ROBO1: variants seen among roughly 807,000 people sequenced by gnomAD.
ROBO1 encodes roundabout homolog 1.
In ROBO1, 149 loss-of-function variants were observed where a neutral mutation model predicts 195.9. That is an observed-to-expected ratio of 0.76 (90% CI 0.67 to 0.87). The LOEUF (loss-of-function observed/expected upper bound fraction) is 0.87, where lower values mean the gene tolerates loss of function less well. ROBO1 is among the 40% of genes least tolerant of loss of function. The pLI, the probability that ROBO1 is intolerant of heterozygous loss-of-function variation, is 0.00. For missense variants in ROBO1, 1,933 were observed against 2,068.3 expected (o/e 0.93, Z 1.27); for synonymous variants, 816 against 733.2 (o/e 1.11, Z -1.82).
intron 2 of ROBO1, among the ~76,000 whole-genome samples, chr3:79,148,896 T>C (rs2080708896): frequency 1.3e-5 from 2 of 151,916 alleles, no homozygotes; most frequent in South Asian, 2.1e-4. Context: ...AATTTTAGAA[T>C]GCAGGTGCTC....
chr3:79,007,547 G>C (rs534947732), intron 3 of ROBO1, among the ~76,000 whole-genome samples: 1 of 152,214 alleles, frequency 6.6e-6, no homozygotes, highest in African/African-American at 2.4e-5. Context: ...CCAGAAAACA[G>C]ATGTTTTAAT....
intron 3 of ROBO1, among the ~76,000 whole-genome samples, chr3:79,061,372 A>ACAT (rs1248518336): frequency 1.3e-5 from 2 of 152,212 alleles, no homozygotes; most frequent in Non-Finnish European, 2.9e-5. Flanking sequence ...AAATGGAAGA[A>ACAT]CATTCCATGC....
chr3:79,748,568 G>A (rs1703974341), intron 1 of ROBO1, among the ~76,000 whole-genome samples: 1 of 152,096 alleles, frequency 6.6e-6, no homozygotes, highest in African/African-American at 2.4e-5. Context: ...TTTCTGGTTT[G>A]ATATGGTTTT....
intron 2 of ROBO1, among the ~76,000 whole-genome samples, chr3:79,214,999 G>A (rs1279284102): frequency 1.3e-5 from 2 of 151,696 alleles, no homozygotes; most frequent in African/African-American, 2.4e-5. Flanking sequence ...GTTAGAAGAC[G>A]GTGATAACAT....
intron 3 of ROBO1, among the ~76,000 whole-genome samples, chr3:78,967,546 C>G (rs1213939774): frequency 6.6e-6 from 1 of 152,168 alleles, no homozygotes; most frequent in African/African-American, 2.4e-5. Flanking sequence ...CGAATTTAGA[C>G]TGAACTTGGG....
intron 1 of ROBO1, among the ~76,000 whole-genome samples, chr3:79,688,492 T>G (rs911261256): frequency 1.3e-5 from 2 of 152,168 alleles, no homozygotes; most frequent in African/African-American, 2.4e-5. Context: ...GACTATTTTT[T>G]GCCAATATTC....
At chr3:79,468,428 C>T (rs988207619) in intron 2 of ROBO1, among the ~76,000 whole-genome samples, 9 of 152,080 alleles carry the variant, frequency 5.9e-5, no homozygotes, top group Non-Finnish European at 1.0e-4. Flanking sequence ...TTTGAACAAT[C>T]GGGTCAGAGG....
At chr3:79,120,396 G>T (rs554697271) in intron 3 of ROBO1, among the ~76,000 whole-genome samples, 1 of 152,204 alleles carries the variant, frequency 6.6e-6, no homozygotes, top group South Asian at 2.1e-4. Flanking sequence ...GTCCTATGTT[G>T]AAGGAAAACA....
chr3:79,550,197 A>AAAGAAAGAAAGAAAGG (rs142251104), intron 2 of ROBO1, among the ~76,000 whole-genome samples: 4 of 19,298 alleles, frequency 2.1e-4, no homozygotes, highest in African/African-American at 5.7e-4. Flanking sequence ...GAAAGAAAGG[A>AAAGAAAGAAAGAAAGG]AAAGAAAAGA....
chr3:79,263,664 C>G (rs1022193442), intron 2 of ROBO1, among the ~76,000 whole-genome samples: 15 of 151,660 alleles, frequency 9.9e-5, no homozygotes, highest in Admixed American at 9.2e-4. Flanking sequence ...AACAAAATAC[C>G]AAAATAAACT....
At chr3:78,624,312 CAT>C (rs1008761209) in intron 26 of ROBO1, among the ~76,000 whole-genome samples, 2 of 151,944 alleles carry the variant, frequency 1.3e-5, no homozygotes, top group African/African-American at 4.8e-5. Context: ...CTATAGTAAA[CAT>C]ATAGAATATA....
At chr3:78,984,131 A>C (rs774339892) in intron 3 of ROBO1, among the ~76,000 whole-genome samples, 27 of 152,194 alleles carry the variant, frequency 1.8e-4, no homozygotes, top group Admixed American at 5.9e-4. Flanking sequence ...TGCTATATTA[A>C]TATTTTACTT....
intron 2 of ROBO1, among the ~76,000 whole-genome samples, chr3:79,325,375 A>G (rs997039364): frequency 2.1e-4 from 32 of 152,366 alleles, no homozygotes; most frequent in African/African-American, 7.5e-4. Flanking sequence ...AAGTGTCAGT[A>G]CACTCTGAGG....
intron 1 of ROBO1, among the ~76,000 whole-genome samples, chr3:79,590,482 G>A (rs558264178): frequency 6.6e-6 from 1 of 151,708 alleles, no homozygotes; most frequent in South Asian, 2.1e-4. Context: ...TTACCAAGTG[G>A]TCTATTCTGA....
intron 22 of ROBO1, among the ~76,000 whole-genome samples, chr3:78,636,567 C>G (rs1705514904): frequency 6.6e-6 from 1 of 151,858 alleles, no homozygotes; most frequent in Non-Finnish European, 1.5e-5. Context: ...ATTCATAGAT[C>G]AAAGAACTTG....
At chr3:79,714,741 T>A (rs1417791735) in intron 1 of ROBO1, among the ~76,000 whole-genome samples, 1 of 150,808 alleles carries the variant, frequency 6.6e-6, no homozygotes, top group East Asian at 2.0e-4. Flanking sequence ...CAGCAAACTA[T>A]CACAAGGACA....
At chr3:79,270,325 T>C (rs1463566342) in intron 2 of ROBO1, among the ~76,000 whole-genome samples, 4 of 151,780 alleles carry the variant, frequency 2.6e-5, no homozygotes, top group African/African-American at 9.7e-5. Context: ...TATTAAATTA[T>C]GGCATGATCT....
At chr3:78,726,879 G>A (rs2082174220) in intron 5 of ROBO1, among the ~76,000 whole-genome samples, 1 of 151,980 alleles carries the variant, frequency 6.6e-6, no homozygotes, top group African/African-American at 2.4e-5. Context: ...TTAAATTTTG[G>A]CATCAAATTA....
chr3:79,188,486 A>C (rs1167912655), intron 2 of ROBO1, among the ~76,000 whole-genome samples: 1 of 151,904 alleles, frequency 6.6e-6, no homozygotes, highest in South Asian at 2.1e-4. Flanking sequence ...TAAGATATGT[A>C]CATATACTGT....
Sources: allele counts gnomAD v4.1 joint callset (sites outside exome capture counted in the v4.1 genomes callset), GRCh38; gene constraint gnomAD v4.1.1; transcripts MANE v1.5; gene names NCBI Gene and HGNC (gene_info 2026-07-23, HGNC 2026-07-21).